The following IQGAP2 variants were observed in gnomAD, a reference collection of about 807,000 sequenced individuals.
The protein encoded by IQGAP2 is ras GTPase-activating-like protein IQGAP2.
A neutral mutation model predicts 201.3 loss-of-function variants in IQGAP2; 173 were observed. The ratio of observed to expected loss-of-function variants is 0.86; its 90% CI spans 0.76 to 0.98. The LOEUF (loss-of-function observed/expected upper bound fraction) is 0.98. Among genes scored for constraint, IQGAP2 ranks in the 50% least tolerant of loss-of-function variants. IQGAP2 has a pLI of 0.00. For synonymous variants in IQGAP2, 675 were observed against 673.9 expected (o/e 1.00, Z -0.03); for missense variants, 1,687 against 1,864.8 (o/e 0.90, Z 1.76).
At chr5:76,646,406 C>T (rs1386195090) in intron 17 of IQGAP2, among the ~76,000 whole-genome samples, 1 of 152,190 alleles carries the variant, frequency 6.6e-6, no homozygotes, top group Non-Finnish European at 1.5e-5. Flanking sequence ...ATACCCAATG[C>T]TCTCTTTGCC....
Position 76,490,063 on chromosome 5 carries a change from G to A in IQGAP2, c.146+28394G>A, listed in dbSNP as rs1334659461. On this transcript the variant is annotated intron_variant, in intron 2 of 35. Coordinates refer to ENST00000274364, the MANE Select transcript of IQGAP2 (RefSeq NM_006633.5). ...ATGTGTGCCTCAAATTGAGAGTGCCGGTTGGAAATAACAATTCACTCTAAG... is the reference window on the plus strand; with the variant it reads ...ATGTGTGCCTCAAATTGAGAGTGCCAGTTGGAAATAACAATTCACTCTAAG... Among the ~76,000 whole-genome samples the A allele has an allele frequency of 4.6e-5, 7 of 152,116 alleles. No individual in the cohort carries two copies. In the South Asian group the frequency reaches 1.0e-3, roughly 23 times the overall value.
chr5:76,654,228 C>G lies in IQGAP2; in HGVS notation c.2207C>G (p.Ala736Gly). 6.2e-7 allele frequency: 1 copy of G among 1,610,492 alleles called. No individual in the cohort carries two copies. The highest frequency in any genetic ancestry group is 8.5e-7 in the Non-Finnish European group (1 of 1,178,344). The change falls in exon 19 of 36, where the codon GCA becomes GGA. Residue 736 changes from alanine (A) to glycine (G), a missense_variant. Ala to Gly is a moderately conservative substitution (Grantham distance 60). Transcript: ENST00000274364. ...CAGTCCTGGTTCCGAATGGCAACTG[C>G]AAGAAAGAGCTATCTTTCAAGACTA... ...KIQSWFRMAT[A>G]RKSYLSRLQY...
At chr5:76,591,754 C>T (rs1372295566) in intron 8 of IQGAP2, among the ~76,000 whole-genome samples, 1 of 152,130 alleles carries the variant, frequency 6.6e-6, no homozygotes, top group Non-Finnish European at 1.5e-5. Context: ...TGAGCTCATC[C>T]ACTTGTTGAA....
At chr5:76,610,105 TATATATATA>T (rs1408220311) in intron 12 of IQGAP2, among the ~76,000 whole-genome samples, 63 of 24,236 alleles carry the variant, frequency 2.6e-3, no homozygotes, top group East Asian at 4.0e-3. Context: ...TATATATATA[TATATATATA>T]TTTTTTTTTT....
At chr5:76,558,598 A>G (rs925043888) in intron 2 of IQGAP2, among the ~76,000 whole-genome samples, 2 of 152,196 alleles carry the variant, frequency 1.3e-5, no homozygotes, top group Non-Finnish European at 2.9e-5. Flanking sequence ...TTTATTTGAC[A>G]CAAGGCCCAC....
At chr5:76,415,285 G>A (rs989808862) in intron 1 of IQGAP2, among the ~76,000 whole-genome samples, 1 of 152,234 alleles carries the variant, frequency 6.6e-6, no homozygotes, top group African/African-American at 2.4e-5. Context: ...GGTCAATGCT[G>A]TATCCCCACT....
intron 9 of IQGAP2, among the ~76,000 whole-genome samples, chr5:76,595,266 T>C (rs1746939772): frequency 6.9e-6 from 1 of 145,616 alleles, no homozygotes; most frequent in African/African-American, 2.6e-5. Context: ...TTTTTTTTTT[T>C]TTTTTCCGGA....
rs1210069131 is a variant in IQGAP2 at position 76,673,469 on chromosome 5, C to T, written c.3089C>T (p.Thr1030Ile). The stretch of plus-strand genomic sequence containing the variant: ...TTCAGCAAGTTGCCTTATGATGTGA[C>T]CACAGAACAAGCTCTAACATACCCA... ...GEASKLPYDV[T>I]TEQALTYPEV... Residue 1030 changes from threonine (T) to isoleucine (I), a missense_variant, in exon 25 of 36, where the codon ACC becomes ATC. Coordinates refer to ENST00000274364, the MANE Select transcript of IQGAP2 (RefSeq NM_006633.5). 1.9e-6 allele frequency: 3 copies of T among 1,613,828 alleles called. No homozygotes were observed. The highest frequency in any genetic ancestry group is 2.5e-6 in the Non-Finnish European group (3 of 1,179,904).
At chr5:76,676,030 G>A (rs1028290961) in intron 27 of IQGAP2, among the ~76,000 whole-genome samples, 9 of 151,220 alleles carry the variant, frequency 6.0e-5, no homozygotes, top group South Asian at 2.1e-4. Flanking sequence ...GCAGTGAGCC[G>A]TGTTTGTGCC....
chr5:76,488,044 A>G (rs1234799764), intron 2 of IQGAP2, among the ~76,000 whole-genome samples: 1 of 152,196 alleles, frequency 6.6e-6, no homozygotes, highest in Non-Finnish European at 1.5e-5. Context: ...TGTGACCTTG[A>G]ATGATCACTG....
intron 1 of IQGAP2, among the ~76,000 whole-genome samples, chr5:76,448,658 G>A (rs914656789): frequency 3.9e-5 from 6 of 152,210 alleles, no homozygotes; most frequent in Middle Eastern, 3.4e-3. Context: ...GGGGAAGCAA[G>A]GATTTTGAAG....
chr5:76,459,784 G>A (rs919801965), intron 1 of IQGAP2, among the ~76,000 whole-genome samples: 3 of 152,028 alleles, frequency 2.0e-5, no homozygotes, highest in Non-Finnish European at 4.4e-5. Flanking sequence ...GATTACAGCT[G>A]GGATTACCAC....
chr5:76,446,063 C>A (rs1180584373), intron 1 of IQGAP2, among the ~76,000 whole-genome samples: 1 of 152,134 alleles, frequency 6.6e-6, no homozygotes, highest in Non-Finnish European at 1.5e-5. Context: ...TATGTATATA[C>A]CACATTTTGC....
At chr5:76,601,050 T>C in intron 11 of IQGAP2, 78 bp downstream of exon 11, 1 of 1,428,058 alleles carries the variant, frequency 7.0e-7, no homozygotes, top group East Asian at 2.3e-5. Flanking sequence ...AATTTGCCTG[T>C]TGGTGGAGAA....
Position 76,597,420 on chromosome 5 carries a change from C to A in IQGAP2, c.908-19C>A. The A allele has an allele frequency of 6.2e-7, 1 of 1,612,738 alleles. No individual in the cohort carries two copies. Among genetic ancestry groups the A allele is most frequent in the East Asian group, 2.2e-5 (1 of 44,864 alleles). On this transcript the variant is annotated intron_variant, in intron 9 of 35. Coordinates refer to ENST00000274364, the MANE Select transcript of IQGAP2 (RefSeq NM_006633.5). ...GGAAAGAGCAACCATTCTGACAAAA[C>A]ATGAACCCCCATCCTCAGGGCAGGC...
At chr5:76,417,831 C>T (rs13175420) in intron 1 of IQGAP2, among the ~76,000 whole-genome samples, 61,644 of 151,750 alleles carry the variant, frequency 0.41, 13,690 homozygotes, top group East Asian at 0.52. Flanking sequence ...ATCCGCCTCC[C>T]TCAGCCTCCT....
intron 2 of IQGAP2, among the ~76,000 whole-genome samples, chr5:76,496,779 TTCTTTC>T (rs1757003812): frequency 1.0e-5 from 1 of 97,490 alleles, no homozygotes; most frequent in Non-Finnish European, 2.0e-5. Context: ...CTTTCTTTCT[TTCTTTC>T]TTTCTTTCTC....
chr5:76,675,360 C>G (rs903115703), intron 27 of IQGAP2, among the ~76,000 whole-genome samples: 4 of 152,094 alleles, frequency 2.6e-5, no homozygotes, highest in African/African-American at 9.7e-5. Flanking sequence ...CAAGGAACGA[C>G]TGTAGTAGGA....
chr5:76,586,990 C>T (rs1746292599), intron 5 of IQGAP2, among the ~76,000 whole-genome samples: 2 of 152,166 alleles, frequency 1.3e-5, no homozygotes, highest in South Asian at 4.1e-4. Context: ...AAAGAACATA[C>T]CAGTTATAAA....
Sources: gnomAD v4.1 joint callset for allele counts (sites outside exome capture counted in the v4.1 genomes callset) on GRCh38, gnomAD v4.1.1 for gene constraint, MANE v1.5 for transcripts, NCBI Gene and HGNC (gene_info 2026-07-23, HGNC 2026-07-21) for gene names.